GRIK4: variants seen among roughly 807,000 people sequenced by gnomAD.
GRIK4 encodes the protein glutamate receptor ionotropic, kainate 4.
GRIK4 carries 40 observed loss-of-function variants against 104.9 expected under a neutral mutation model. The ratio of observed to expected loss-of-function variants is 0.38; its 90% CI spans 0.30 to 0.50. The LOEUF (loss-of-function observed/expected upper bound fraction) is 0.50, where lower values mean the gene tolerates loss of function less well. Among genes scored for constraint, GRIK4 ranks in the 20% least tolerant of loss-of-function variants. GRIK4 has a pLI of 0.93. For synonymous variants in GRIK4, 485 were observed against 524.9 expected (o/e 0.92, Z 1.04); for missense variants, 1,047 against 1,308.1 (o/e 0.80, Z 3.08).
At chr11:120,893,560 G>A (rs1315206626) in intron 11 of GRIK4, among the ~76,000 whole-genome samples, 2 of 152,180 alleles carry the variant, frequency 1.3e-5, no homozygotes, top group African/African-American at 4.8e-5. Context: ...ATACAGTGGG[G>A]GTGGGAATGG....
intron 6 of GRIK4, among the ~76,000 whole-genome samples, chr11:120,823,005 A>G (rs1224385572): frequency 6.6e-6 from 1 of 152,184 alleles, no homozygotes. Flanking sequence ...TGGACCATCG[A>G]ATGGTGTAAC....
intron 12 of GRIK4, among the ~76,000 whole-genome samples, chr11:120,904,936 G>A (rs1354975550): frequency 6.6e-6 from 1 of 152,104 alleles, no homozygotes; most frequent in Non-Finnish European, 1.5e-5. Context: ...TTATATCTCT[G>A]ATAATGCCCA....
chr11:120,541,294 T>C (rs887543088), intron 1 of GRIK4, among the ~76,000 whole-genome samples: 3 of 152,230 alleles, frequency 2.0e-5, no homozygotes, highest in African/African-American at 7.2e-5. Flanking sequence ...AACAGTTATA[T>C]TGGAGCACTT....
chr11:120,680,811 G>A lies in GRIK4; in HGVS notation c.82+20411G>A, dbSNP rs189197432. Reference sequence around the variant, plus strand: ...TATTTGTCTTTGAGTTTGGAAGAGAGGAGAAGGAGACCTTGGCCAATACCA... The same window carrying A: ...TATTTGTCTTTGAGTTTGGAAGAGAAGAGAAGGAGACCTTGGCCAATACCA... On this transcript the variant is annotated intron_variant, in intron 3 of 20. Coordinates refer to ENST00000527524, the MANE Select transcript of GRIK4 (RefSeq NM_014619.5). Among the ~76,000 whole-genome samples the A allele has an allele frequency of 5.4e-3, 820 of 152,338 alleles. 8 individuals carry two copies. The highest frequency in any genetic ancestry group is 8.2e-3 in the Non-Finnish European group (558 of 68,024).
intron 3 of GRIK4, among the ~76,000 whole-genome samples, chr11:120,733,275 C>A (rs1403406328): frequency 1.3e-5 from 2 of 152,124 alleles, no homozygotes; most frequent in Non-Finnish European, 2.9e-5. Context: ...TGCATTCAAG[C>A]ACTGTGTGTC....
At chr11:120,831,800 T>G in intron 6 of GRIK4, 52 bp from the exon 7 acceptor site, 6 of 1,471,048 alleles carry the variant, frequency 4.1e-6, no homozygotes, top group Non-Finnish European at 5.7e-6. Context: ...CCCAGGTGTC[T>G]CTAGAGGCAG....
intron 11 of GRIK4, among the ~76,000 whole-genome samples, chr11:120,883,919 C>T (rs1018385868): frequency 1.3e-5 from 2 of 152,196 alleles, no homozygotes; most frequent in Non-Finnish European, 2.9e-5. Flanking sequence ...CCTGCTAATT[C>T]GGTCTCAGGA....
At chr11:120,979,823 T>C (rs960238063) in intron 19 of GRIK4, among the ~76,000 whole-genome samples, 2 of 152,130 alleles carry the variant, frequency 1.3e-5, no homozygotes, top group Non-Finnish European at 2.9e-5. Flanking sequence ...AAGGGGGCCT[T>C]GTCCTGTTTT....
chr11:120,928,997 G>A (rs1943419303), intron 13 of GRIK4, among the ~76,000 whole-genome samples: 1 of 147,830 alleles, frequency 6.8e-6, no homozygotes, highest in Non-Finnish European at 1.5e-5. Flanking sequence ...GTGCGCGCGT[G>A]CACGCGTGTA....
At chr11:120,772,863 A>T (rs1462443047) in intron 3 of GRIK4, among the ~76,000 whole-genome samples, 1 of 152,070 alleles carries the variant, frequency 6.6e-6, no homozygotes, top group Non-Finnish European at 1.5e-5. Context: ...TCATTCATTC[A>T]TTCATCTAGT....
rs1327599637 is a variant in GRIK4 at position 120,524,053 on chromosome 11, A to C, written c.-159+12166A>C. On this transcript the variant is annotated intron_variant, in intron 1 of 20. Coordinates refer to ENST00000527524, the MANE Select transcript of GRIK4 (RefSeq NM_014619.5). This position sits in a 1 kb window ranked among gnomAD's most constrained non-coding sequence, Gnocchi z 4.5. ...GTGATTCCCCTGCCTCAGCCTCCCG[A>C]GTAGCTGGGACTACAGGCGCACACC... is the stretch of plus-strand genomic sequence containing the variant. 2.6e-5 allele frequency among the ~76,000 whole-genome samples: 4 copies of C among 151,802 alleles called. No homozygotes were observed. The highest frequency in any genetic ancestry group is 5.9e-5 in the Non-Finnish European group (4 of 67,982).
At chr11:120,674,574 T>A (rs1229943261) in intron 3 of GRIK4, among the ~76,000 whole-genome samples, 5 of 152,228 alleles carry the variant, frequency 3.3e-5, no homozygotes, top group African/African-American at 1.2e-4. Context: ...CTTGGCTTCC[T>A]CCAAGCTGTG....
In GRIK4 at chr11:120,666,986, A is replaced by G. The variant is rs184047983; in HGVS notation, c.82+6586A>G. 1.2e-3 allele frequency among the ~76,000 whole-genome samples: 190 copies of G among 152,306 alleles called. 1 individual carries two copies. Among genetic ancestry groups the G allele is most frequent in the African/African-American group, 4.4e-3 (182 of 41,556 alleles). On this transcript the variant is annotated intron_variant, in intron 3 of 20. Coordinates refer to ENST00000527524, the MANE Select transcript of GRIK4 (RefSeq NM_014619.5). ...AAGAGGTTTTGATTCCTTGTAAAAA[A>G]GTGTTTTCCAGGCAGATGGAATGGG... is the stretch of plus-strand genomic sequence containing the variant.
chr11:120,737,878 C>T (rs1423228060), intron 3 of GRIK4, among the ~76,000 whole-genome samples: 1 of 151,922 alleles, frequency 6.6e-6, no homozygotes, highest in Non-Finnish European at 1.5e-5. Context: ...TTCAGTAAAC[C>T]ATTTATATTG....
chr11:120,594,204 G>A lies in GRIK4; in HGVS notation c.-158-59481G>A, dbSNP rs112959420. Among the ~76,000 whole-genome samples the A allele has an allele frequency of 1.8e-3, 276 of 152,332 alleles. 2 individuals are homozygous for A. The highest frequency in any genetic ancestry group is 6.3e-3 in the African/African-American group (263 of 41,570). ...CCCTTAGAATAAAATCCTGCTGGGCGCAGTGGCTCATGCCTGTAATCCCAG... is the reference window on the plus strand; with the variant it reads ...CCCTTAGAATAAAATCCTGCTGGGCACAGTGGCTCATGCCTGTAATCCCAG... On this transcript the variant is annotated intron_variant, in intron 1 of 20. Transcript: ENST00000527524.
chr11:120,812,778 T>C (rs1952855987), intron 4 of GRIK4, among the ~76,000 whole-genome samples: 1 of 152,190 alleles, frequency 6.6e-6, no homozygotes, highest in African/African-American at 2.4e-5. Flanking sequence ...TGGTTGGAAC[T>C]TGACTTTGTG....
At chr11:120,773,519 A>T (rs1293308177) in intron 3 of GRIK4, among the ~76,000 whole-genome samples, 1 of 152,222 alleles carries the variant, frequency 6.6e-6, no homozygotes, top group Non-Finnish European at 1.5e-5. Flanking sequence ...GTGCGAATGG[A>T]TGCAGTGGCA....
At chr11:120,828,190 A>G (rs998156099) in intron 6 of GRIK4, among the ~76,000 whole-genome samples, 10 of 152,354 alleles carry the variant, frequency 6.6e-5, no homozygotes, top group African/African-American at 2.2e-4. Context: ...CACTGGGGTT[A>G]TGCAGGGAAG....
At chr11:120,820,143 A>AAG (rs930658735) in intron 6 of GRIK4, among the ~76,000 whole-genome samples, 1 of 147,116 alleles carries the variant, frequency 6.8e-6, no homozygotes, top group East Asian at 2.0e-4. Context: ...AAAAGAGAGA[A>AAG]AGAGAGAGAG....
Sources: gnomAD v4.1 joint callset for allele counts (sites outside exome capture counted in the v4.1 genomes callset) on GRCh38, gnomAD v4.1.1 for gene constraint, Gnocchi (gnomAD v3.1) non-coding constraint, MANE v1.5 for transcripts, NCBI Gene and HGNC (gene_info 2026-07-23, HGNC 2026-07-21) for gene names.